Variants in HGD observed in about 807,000 individuals in gnomAD.
The protein encoded by HGD is homogentisate 1,2-dioxygenase.
A neutral mutation model predicts 60.8 loss-of-function variants in HGD; 61 were observed. The observed-to-expected ratio is 1.00, with a 90% CI of 0.82 to 1.24. The LOEUF is 1.24. HGD is among the 50% of genes most tolerant of loss of function. The pLI is 0.00. For missense variants in HGD, 542 were observed against 547.1 expected, an observed-to-expected ratio of 0.99 and a Z score of 0.09; for synonymous variants, 212 against 187.7, an observed-to-expected ratio of 1.13 and a Z score of -1.06.
intron 4 of HGD, among the ~76,000 whole-genome samples, chr3:120,668,544 G>C (rs1017817127): frequency 2.6e-5 from 4 of 151,858 alleles, no homozygotes; most frequent in Middle Eastern, 3.4e-3. Flanking sequence ...GAGAGAGAGA[G>C]TAGGAGGGAG....
Position 120,641,697 on chromosome 3 carries a change from A to T in HGD, c.775-4T>A. 1 of 1,599,414 alleles carries T rather than the reference A, an allele frequency of 6.3e-7. No homozygotes were observed. Among genetic ancestry groups the T allele is most frequent in the East Asian group, 2.2e-5 (1 of 44,808 alleles). On this transcript the variant is annotated splice_polypyrimidine_tract_variant and splice_region_variant and intron_variant, in intron 10 of 13. Transcript: ENST00000283871. ...CAACATTGAACGGGGAGACATCCTA[A>T]ACACAAAAAGCAGGAAAGGATAATT... is the stretch of plus-strand genomic sequence containing the variant.
chr3:120,670,536 G>A lies in HGD; in HGVS notation c.177-4C>T. ...AGGTAGAATCCTATACAGCCAGCTA[G>A]AGGGAAAAACATACAAGATATACAA... On this transcript the variant is annotated splice_polypyrimidine_tract_variant and splice_region_variant and intron_variant, in intron 3 of 13. Coordinates refer to ENST00000283871, the MANE Select transcript of HGD (RefSeq NM_000187.4). 1 of 1,525,504 alleles carries A rather than the reference G, an allele frequency of 6.6e-7. No individual in the cohort carries two copies. 94.5% of individuals were successfully genotyped at this position (1,525,504 alleles called of 1,614,324 possible). A position where few individuals can be genotyped will look rare whatever the true frequency, so the allele number is the denominator to read the frequency against.
intron 4 of HGD, among the ~76,000 whole-genome samples, chr3:120,658,094 C>T (rs1481779740): frequency 6.6e-6 from 1 of 152,168 alleles, no homozygotes; most frequent in Non-Finnish European, 1.5e-5. Context: ...TTGGCTCCTT[C>T]CAAATCTCCT....
chr3:120,680,141 C>G (rs1708206771), intron 1 of HGD, among the ~76,000 whole-genome samples: 1 of 152,162 alleles, frequency 6.6e-6, no homozygotes, highest in Non-Finnish European at 1.5e-5. Flanking sequence ...GCAACTTACT[C>G]AAATACATAG....
intron 3 of HGD, 65 bp downstream of exon 3, chr3:120,674,836 G>T: frequency 9.3e-7 from 1 of 1,071,224 alleles, no homozygotes; most frequent in Non-Finnish European, 1.4e-6. Flanking sequence ...AGGGGAAGGA[G>T]GCAGCACAAA....
At chr3:120,631,941 C>G (rs952540265) in intron 13 of HGD, among the ~76,000 whole-genome samples, 2 of 152,162 alleles carry the variant, frequency 1.3e-5, no homozygotes, top group Non-Finnish European at 2.9e-5. Flanking sequence ...CATTGACTAC[C>G]CAAAGCCAAA....
intron 3 of HGD, 115 bp downstream of exon 3, chr3:120,674,771 CAGACCATAGCCTATA>C: frequency 1.4e-6 from 1 of 716,324 alleles, no homozygotes; most frequent in Non-Finnish European, 2.6e-6. Context: ...GACCATGACC[CAGACCATAGCCTATA>C]AGAAGCAGGA....
At chr3:120,650,217 T>A (rs1226014366) in intron 6 of HGD, among the ~76,000 whole-genome samples, 1 of 152,250 alleles carries the variant, frequency 6.6e-6, no homozygotes, top group East Asian at 1.9e-4. Flanking sequence ...TTTTCTTTTC[T>A]GCCTGCTTTA....
intron 4 of HGD, among the ~76,000 whole-genome samples, chr3:120,666,341 G>C (rs1365019857): frequency 3.3e-5 from 5 of 152,156 alleles, no homozygotes; most frequent in Non-Finnish European, 7.4e-5. Flanking sequence ...CAGAAGAAAG[G>C]CAACAAGTTC....
chr3:120,657,127 T>C (rs1025105818), intron 4 of HGD, among the ~76,000 whole-genome samples: 5 of 152,226 alleles, frequency 3.3e-5, no homozygotes, highest in Non-Finnish European at 7.3e-5. Context: ...ATCCTTTTAG[T>C]TGTATTATTG....
chr3:120,649,054 C>T (rs1234871094), intron 6 of HGD, among the ~76,000 whole-genome samples: 1 of 151,808 alleles, frequency 6.6e-6, no homozygotes, highest in African/African-American at 2.4e-5. Context: ...TGATTTTTCC[C>T]TCCTAGGAAG....
intron 5 of HGD, 63 bp from the exon 6 acceptor site, chr3:120,650,928 C>T: frequency 8.0e-7 from 1 of 1,248,068 alleles, no homozygotes; most frequent in Non-Finnish European, 1.2e-6. Flanking sequence ...GCAGCCCTTC[C>T]ACTGGTCCCT....
At chr3:120,654,144 C>A (rs1941425056) in intron 4 of HGD, among the ~76,000 whole-genome samples, 2 of 152,074 alleles carry the variant, frequency 1.3e-5, no homozygotes, top group Admixed American at 1.3e-4. Flanking sequence ...AGTATTTATA[C>A]CCAGGAAGAT....
At chr3:120,632,000 A>T (rs1192020945) in intron 13 of HGD, among the ~76,000 whole-genome samples, 1 of 152,164 alleles carries the variant, frequency 6.6e-6, no homozygotes, top group African/African-American at 2.4e-5. Flanking sequence ...AGCCTCCAGG[A>T]CTGCACCTCC....
intron 4 of HGD, among the ~76,000 whole-genome samples, chr3:120,654,190 C>G (rs547121869): frequency 1.3e-5 from 2 of 152,076 alleles, no homozygotes; most frequent in Non-Finnish European, 2.9e-5. Context: ...ATCTTAGTTT[C>G]AGAAAGAAAA....
chr3:120,633,552 G>C, intron 12 of HGD: 1 of 1,472,704 alleles, frequency 6.8e-7, no homozygotes, highest in Non-Finnish European at 9.0e-7. Flanking sequence ...GATTATCAGA[G>C]GTCTCGAGTT....
At chr3:120,664,330 T>C (rs1041123138) in intron 4 of HGD, among the ~76,000 whole-genome samples, 2 of 152,164 alleles carry the variant, frequency 1.3e-5, no homozygotes, top group African/African-American at 4.8e-5. Flanking sequence ...GGGTCATATA[T>C]TGGATACTGT....
At chr3:120,680,112 C>G (rs1196152971) in intron 1 of HGD, among the ~76,000 whole-genome samples, 1 of 152,104 alleles carries the variant, frequency 6.6e-6, no homozygotes, top group Non-Finnish European at 1.5e-5. Flanking sequence ...ATGAGGAAAC[C>G]AAGGTTGGGA....
At chr3:120,640,110 A>G (rs547156554) in intron 11 of HGD, among the ~76,000 whole-genome samples, 7 of 151,220 alleles carry the variant, frequency 4.6e-5, no homozygotes, top group Non-Finnish European at 1.0e-4. Context: ...ATGAACAGAA[A>G]GAAAGAAAAA....
Sources: gnomAD v4.1 joint callset for allele counts (sites outside exome capture counted in the v4.1 genomes callset) on GRCh38, gnomAD v4.1.1 for gene constraint, MANE v1.5 for transcripts, NCBI Gene and HGNC (gene_info 2026-07-23, HGNC 2026-07-21) for gene names.